PROX1: variants seen among roughly 807,000 people sequenced by gnomAD.
The protein encoded by PROX1 is prospero homeobox protein 1.
PROX1 carries 7 observed loss-of-function variants against 58.8 expected under a neutral mutation model. The ratio of observed to expected loss-of-function variants is 0.12; its 90% CI spans 0.07 to 0.22. PROX1 has a LOEUF of 0.22. Among genes scored for constraint, PROX1 ranks in the 10% least tolerant of loss-of-function variants. The pLI, the probability that PROX1 is intolerant of heterozygous loss-of-function variation, is 1.00. For synonymous variants in PROX1, 350 were observed against 358.3 expected, an observed-to-expected ratio of 0.98 and a Z score of 0.26; for missense variants, 675 against 927.8, an observed-to-expected ratio of 0.73 and a Z score of 3.54.
At chr1:214,000,131 C>T (rs1208760751) in intron 2 of PROX1, among the ~76,000 whole-genome samples, 1 of 151,990 alleles carries the variant, frequency 6.6e-6, no homozygotes, top group East Asian at 1.9e-4. Flanking sequence ...AGATTTAATG[C>T]CAGGTTTCAA....
intron 4 of PROX1, among the ~76,000 whole-genome samples, chr1:214,014,761 T>G (rs1338037462): frequency 6.6e-6 from 1 of 152,126 alleles, no homozygotes; most frequent in African/African-American, 2.4e-5. Context: ...CACTACTACT[T>G]TATTCCTTCT....
At chr1:213,994,978 A>T (rs1280272291) in intron 1 of PROX1, among the ~76,000 whole-genome samples, 3 of 151,886 alleles carry the variant, frequency 2.0e-5, no homozygotes, top group African/African-American at 7.3e-5. Flanking sequence ...AGGTTATTTC[A>T]TGCTGAAATT....
At chr1:214,033,875 G>A (rs1164555628) in intron 4 of PROX1, among the ~76,000 whole-genome samples, 1 of 152,184 alleles carries the variant, frequency 6.6e-6, no homozygotes, top group African/African-American at 2.4e-5. Context: ...AGACATTTGG[G>A]AGGAAATCAC....
intron 4 of PROX1, chr1:214,031,044 TG>T (rs1448524379): frequency 6.6e-6 from 1 of 150,926 alleles, no homozygotes; most frequent in Non-Finnish European, 1.5e-5. Flanking sequence ...CGTGTGTGTG[TG>T]TGTGTGTGTG....
At chr1:214,010,217 G>A (rs777696747) in intron 3 of PROX1, among the ~76,000 whole-genome samples, 2 of 152,120 alleles carry the variant, frequency 1.3e-5, no homozygotes, top group Non-Finnish European at 2.9e-5. Flanking sequence ...TCATTTTCTG[G>A]TCAATTATCT....
At chr1:214,011,378 T>C in intron 3 of PROX1, 143 bp from the exon 4 acceptor site, 1 of 676,796 alleles carries the variant, frequency 1.5e-6, no homozygotes, top group Non-Finnish European at 2.4e-6. Flanking sequence ...CTCTTGCCTC[T>C]CTTGCCACCA....
At chr1:214,017,065 T>C (rs1374276651) in intron 4 of PROX1, among the ~76,000 whole-genome samples, 1 of 152,224 alleles carries the variant, frequency 6.6e-6, no homozygotes, top group Non-Finnish European at 1.5e-5. Context: ...TTGTCCTTTG[T>C]TGGGGTGAAC....
In PROX1 at chr1:214,006,565, G is replaced by A. The variant is rs114769892; in HGVS notation, c.1833+1293G>A. ...TAAGTGAGCACAAACAAGGCTGAGT[G>A]ACACAGAGGCCAGGAAAAGGGTTTG... On this transcript the variant is annotated intron_variant, in intron 3 of 4. Coordinates refer to ENST00000366958, the MANE Select transcript of PROX1 (RefSeq NM_001270616.2). Among the ~76,000 whole-genome samples the A allele has an allele frequency of 3.2e-3, 488 of 152,280 alleles. 2 individuals are homozygous for A. The highest frequency in any genetic ancestry group is 0.011 in the African/African-American group (457 of 41,558).
At position 213,997,963 on chromosome 1, in the gene PROX1, C is replaced by A; in HGVS notation, c.1428C>A (p.Thr476=). The change falls in exon 2 of 5, where the codon ACC becomes ACA. Residue 476 remains threonine, a synonymous_variant. Coordinates refer to ENST00000366958, the MANE Select transcript of PROX1 (RefSeq NM_001270616.2). The surrounding 1 kb of genome is among the most constrained non-coding windows in gnomAD (Gnocchi z 7.1). ...CTCTCTCTGCCACCACGGGCTTCAC[C>A]ACGTCCACCTTCCGCCACCCCTTCC... ...QSPLSATTGF[T]TSTFRHPFPL... 6.2e-7 allele frequency: 1 copy of A among 1,614,062 alleles called. No homozygotes were observed. Among genetic ancestry groups the A allele is most frequent in the Non-Finnish European group, 8.5e-7 (1 of 1,179,970 alleles).
At chr1:213,998,749 G>T (rs11802122) in intron 2 of PROX1, among the ~76,000 whole-genome samples, 31,708 of 152,110 alleles carry the variant, frequency 0.21, 3,990 homozygotes, top group African/African-American at 0.36. Context: ...CATCTGCAAG[G>T]CTTCTGGTCC....
At chr1:214,025,302 T>C (rs552929478) in intron 4 of PROX1, among the ~76,000 whole-genome samples, 2 of 152,248 alleles carry the variant, frequency 1.3e-5, no homozygotes, top group Non-Finnish European at 1.5e-5. Flanking sequence ...TCCTCCAAGA[T>C]AGAGCAGAAT....
intron 3 of PROX1, among the ~76,000 whole-genome samples, chr1:214,006,949 C>T (rs1469328035): frequency 1.3e-5 from 2 of 152,198 alleles, no homozygotes; most frequent in African/African-American, 4.8e-5. Flanking sequence ...CACTCACCCA[C>T]CACGGAAACA....
chr1:214,040,189 T>G lies in PROX1; in HGVS notation c.*4355T>G, dbSNP rs1359995842. 6.6e-6 allele frequency: 1 copy of G among 152,222 alleles called. No individual in the cohort carries two copies. The highest frequency in any genetic ancestry group is 1.9e-4 in the East Asian group (1 of 5,202). 9.4% of individuals were successfully genotyped at this position (152,222 alleles called of 1,614,324 possible). A position where few individuals can be genotyped will look rare whatever the true frequency, so the allele number is the denominator to read the frequency against. On this transcript the variant is annotated 3_prime_UTR_variant, in exon 5 of 5. Transcript: ENST00000366958. ...GCAGTTTTGTTTTCTGTAGATCTGT[T>G]GGTTGTAAACCATCTATAAAACTAA...
chr1:214,001,877 A>T (rs3767845), intron 2 of PROX1, among the ~76,000 whole-genome samples: 42,659 of 151,192 alleles, frequency 0.28, 6,250 homozygotes, highest in Admixed American at 0.39. Context: ...AAAAAAAAAA[A>T]TCCCTACACT....
In PROX1 at chr1:214,036,730, T is replaced by TTTAC. The variant is rs1463403156; in HGVS notation, c.*900_*903dup. The TTTAC allele has an allele frequency of 3.9e-5, 6 of 152,250 alleles. No individual in the cohort carries two copies. The highest frequency in any genetic ancestry group is 5.9e-5 in the Non-Finnish European group (4 of 68,044). The allele number at this position is 152,250 out of a possible 1,614,324, so 9.4% of individuals were successfully genotyped here. A position where few individuals can be genotyped will look rare whatever the true frequency, so the allele number is the denominator to read the frequency against. On this transcript the variant is annotated 3_prime_UTR_variant, in exon 5 of 5. Transcript: ENST00000366958. ...TGTTTATATGCTTAAAAGGATTCTGTTTACTTAACAATTTTTTCCCCTAAA... is the reference window on the plus strand; with the variant it reads ...TGTTTATATGCTTAAAAGGATTCTGTTTACTTACTTAACAATTTTTTCCCCTAAA...
Position 213,997,938 on chromosome 1 carries a change from C to G in PROX1, c.1403C>G (p.Pro468Arg). Residue 468 changes from proline (P) to arginine (R), a missense_variant, in exon 2 of 5, where the codon CCT becomes CGT. By Grantham distance (103) the Pro-to-Arg change is moderately radical. This residue lies in a region of PROX1 where 403 missense variants were observed against 477.4 expected (regional missense o/e 0.84). Coordinates refer to ENST00000366958, the MANE Select transcript of PROX1 (RefSeq NM_001270616.2). This position sits in a 1 kb window ranked among gnomAD's most constrained non-coding sequence, Gnocchi z 7.1. ...GGHHQPLHQS[P>R]LSATTGFTTS... ...CACCACCAGCCCCTGCACCAGTCGC[C>G]TCTCTCTGCCACCACGGGCTTCACC... The G allele has an allele frequency of 6.2e-7, 1 of 1,613,928 alleles. No individual in the cohort carries two copies.
intron 4 of PROX1, among the ~76,000 whole-genome samples, chr1:214,034,011 T>C (rs921241980): frequency 1.5e-4 from 23 of 152,308 alleles, no homozygotes; most frequent in African/African-American, 5.3e-4. Flanking sequence ...CTGGGAATTA[T>C]GTCCTAAGAA....
chr1:214,011,091 A>T (rs943120096), intron 3 of PROX1, among the ~76,000 whole-genome samples: 3 of 152,184 alleles, frequency 2.0e-5, no homozygotes, highest in Non-Finnish European at 4.4e-5. Context: ...TAAAAAAAAA[A>T]AGTATATCAA....
At chr1:214,026,345 A>G (rs1228116087) in intron 4 of PROX1, among the ~76,000 whole-genome samples, 1 of 152,180 alleles carries the variant, frequency 6.6e-6, no homozygotes, top group African/African-American at 2.4e-5. Flanking sequence ...CAGCCCCACG[A>G]AATAATTTTG....
Sources: allele counts gnomAD v4.1 joint callset (sites outside exome capture counted in the v4.1 genomes callset), GRCh38; gene constraint gnomAD v4.1.1; regional missense constraint gnomAD v4.1.1; non-coding constraint Gnocchi (gnomAD v3.1); transcripts MANE v1.5; gene names NCBI Gene and HGNC (gene_info 2026-07-23, HGNC 2026-07-21).